Variants in PLXDC2 observed in about 807,000 individuals in gnomAD.
PLXDC2 encodes the protein plexin domain containing 2.
Under a neutral mutation model 68.9 loss-of-function variants are expected in PLXDC2, and 40 were observed. The ratio of observed to expected loss-of-function variants is 0.58; its 90% CI spans 0.45 to 0.76. PLXDC2 has a LOEUF of 0.76. Ranked by LOEUF, PLXDC2 falls within the 30% of genes least tolerant of loss-of-function variation. The pLI is 0.00. For synonymous variants in PLXDC2, 243 were observed against 234.2 expected (o/e 1.04, Z -0.34); for missense variants, 644 against 661.9 (o/e 0.97, Z 0.30).
In PLXDC2 at chr10:19,882,754, A is replaced by G. The variant is rs543548438; in HGVS notation, c.112+65563A>G. Among the ~76,000 whole-genome samples the G allele has an allele frequency of 5.8e-4, 89 of 152,316 alleles. 1 individual carries two copies. Among genetic ancestry groups the G allele is most frequent in the Admixed American group, 3.3e-3 (51 of 15,296 alleles). On this transcript the variant is annotated intron_variant, in intron 1 of 13. Coordinates refer to ENST00000377252, the MANE Select transcript of PLXDC2 (RefSeq NM_032812.9). ...GAAAGATTTGTTAAATGTAAGTTCA[A>G]TATTGCCCAACATTCTGACAAGGCC...
At chr10:19,820,602 C>CCGCA (rs1266613241) in intron 1 of PLXDC2, among the ~76,000 whole-genome samples, 2 of 150,720 alleles carry the variant, frequency 1.3e-5, no homozygotes, top group African/African-American at 4.9e-5. Flanking sequence ...CCACTGCAGT[C>CCGCA]CGCAGTCCGG....
chr10:20,172,940 T>G (rs1447468651), intron 7 of PLXDC2, among the ~76,000 whole-genome samples: 1 of 152,214 alleles, frequency 6.6e-6, no homozygotes, highest in African/African-American at 2.4e-5. Flanking sequence ...GAATTAGAAC[T>G]ACAGAGAGAG....
intron 4 of PLXDC2, among the ~76,000 whole-genome samples, chr10:20,075,674 A>C (rs207470741): frequency 6.6e-6 from 1 of 152,194 alleles, no homozygotes; most frequent in African/African-American, 2.4e-5. Flanking sequence ...CTCAATAGGA[A>C]TCAGCAAGAA....
At chr10:19,835,397 G>A (rs1334994601) in intron 1 of PLXDC2, among the ~76,000 whole-genome samples, 2 of 152,190 alleles carry the variant, frequency 1.3e-5, no homozygotes, top group African/African-American at 4.8e-5. Context: ...GGATAGCTAA[G>A]ATAATTCTCA....
At chr10:19,897,913 T>C (rs1838088320) in intron 1 of PLXDC2, among the ~76,000 whole-genome samples, 1 of 152,136 alleles carries the variant, frequency 6.6e-6, no homozygotes, top group African/African-American at 2.4e-5. Context: ...GCAAGATTTG[T>C]TTTTGCGAAA....
intron 4 of PLXDC2, among the ~76,000 whole-genome samples, chr10:20,085,003 T>C (rs1833171478): frequency 6.6e-6 from 1 of 152,030 alleles, no homozygotes; most frequent in Non-Finnish European, 1.5e-5. Flanking sequence ...GCAATAAATA[T>C]CTTGCCTTTT....
At chr10:20,230,236 T>C (rs1835342961) in intron 12 of PLXDC2, among the ~76,000 whole-genome samples, 1 of 152,118 alleles carries the variant, frequency 6.6e-6, no homozygotes, top group African/African-American at 2.4e-5. Context: ...AGATATAAAA[T>C]ACTTCAAGGT....
At chr10:20,033,510 T>A (rs1240991562) in intron 2 of PLXDC2, among the ~76,000 whole-genome samples, 1 of 152,102 alleles carries the variant, frequency 6.6e-6, no homozygotes, top group East Asian at 1.9e-4. Flanking sequence ...GGGTAATTCA[T>A]AAAGGAAAGA....
intron 13 of PLXDC2, among the ~76,000 whole-genome samples, chr10:20,257,669 C>A (rs1835758921): frequency 6.6e-6 from 1 of 152,128 alleles, no homozygotes; most frequent in Non-Finnish European, 1.5e-5. Flanking sequence ...TACTCATTAA[C>A]ATAACAATGA....
At chr10:20,139,968 C>T (rs570120513) in intron 4 of PLXDC2, among the ~76,000 whole-genome samples, 11 of 152,020 alleles carry the variant, frequency 7.2e-5, no homozygotes, top group African/African-American at 2.2e-4. Context: ...CAAACCTGCA[C>T]GTTCTGCACA....
At chr10:20,118,703 G>A (rs1358803605) in intron 4 of PLXDC2, among the ~76,000 whole-genome samples, 1 of 152,168 alleles carries the variant, frequency 6.6e-6, no homozygotes, top group Non-Finnish European at 1.5e-5. Flanking sequence ...AGACAGGGAA[G>A]AAAGGCAAAG....
chr10:20,166,274 G>T (rs1239667742), intron 7 of PLXDC2, among the ~76,000 whole-genome samples: 6 of 152,124 alleles, frequency 3.9e-5, no homozygotes, highest in Non-Finnish European at 8.8e-5. Context: ...ACAACTGAAT[G>T]GCATTGATAC....
rs1319223175 is a variant in PLXDC2, at chr10:20,044,209, CTGTCTTTCTTTCTTTCTTTCTT to C, written c.325-2658_325-2637del. On this transcript the variant is annotated intron_variant, in intron 2 of 13. Transcript: ENST00000377252. ...TCTTTCTTTCTCTCTCTCTCTCTCT[CTGTCTTTCTTTCTTTCTTTCTT>C]TCTTTCTTTCTTTCTTTCTTTCTTT... Among the ~76,000 whole-genome samples, 193 of 91,574 alleles carry C rather than the reference CTGTCTTTCTTTCTTTCTTTCTT, an allele frequency of 2.1e-3. 3 individuals are homozygous for C. The highest frequency in any genetic ancestry group is 8.5e-3 in the African/African-American group (176 of 20,598). The allele number at this position is 91,574 out of a possible 152,430, so 60.1% of individuals were successfully genotyped here. A position where few individuals can be genotyped will look rare whatever the true frequency, so the allele number is the denominator to read the frequency against.
intron 1 of PLXDC2, among the ~76,000 whole-genome samples, chr10:19,916,393 C>G (rs1833367314): frequency 6.6e-6 from 1 of 151,334 alleles, no homozygotes; most frequent in South Asian, 2.1e-4. Context: ...AGGTGATCCG[C>G]CCACCTTAGC....
At chr10:19,921,179 G>A (rs1479467027) in intron 1 of PLXDC2, among the ~76,000 whole-genome samples, 1 of 148,048 alleles carries the variant, frequency 6.8e-6, no homozygotes, top group Non-Finnish European at 1.5e-5. Flanking sequence ...CTCCCACTTT[G>A]GCCTCCCAAA....
At chr10:19,855,205 T>C (rs960672257) in intron 1 of PLXDC2, among the ~76,000 whole-genome samples, 10 of 145,554 alleles carry the variant, frequency 6.9e-5, no homozygotes, top group African/African-American at 2.7e-4. Context: ...AATACACAAG[T>C]AATTAAAACT....
chr10:19,824,639 G>A (rs1836538540), intron 1 of PLXDC2, among the ~76,000 whole-genome samples: 1 of 152,178 alleles, frequency 6.6e-6, no homozygotes, highest in Admixed American at 6.5e-5. Flanking sequence ...CTGTTAAGCT[G>A]AGGAAGTTAC....
intron 1 of PLXDC2, among the ~76,000 whole-genome samples, chr10:19,923,232 T>C (rs1470548978): frequency 6.6e-6 from 1 of 152,130 alleles, no homozygotes; most frequent in Non-Finnish European, 1.5e-5. Context: ...TTATTGACAA[T>C]CCACCCCAAA....
At chr10:20,191,024 C>A (rs1473214126) in intron 9 of PLXDC2, among the ~76,000 whole-genome samples, 1 of 152,026 alleles carries the variant, frequency 6.6e-6, no homozygotes, top group African/African-American at 2.4e-5. Context: ...AGAAGACCTG[C>A]AAAGAGTTTT....
Sources: gnomAD v4.1 joint callset for allele counts (sites outside exome capture counted in the v4.1 genomes callset) on GRCh38, gnomAD v4.1.1 for gene constraint, MANE v1.5 for transcripts, NCBI Gene and HGNC (gene_info 2026-07-23, HGNC 2026-07-21) for gene names.